AK9: variants seen among roughly 807,000 people sequenced by gnomAD.
AK9 encodes adenylate kinase 9.
AK9 carries 191 observed loss-of-function variants against 239.6 expected under a neutral mutation model. The ratio of observed to expected loss-of-function variants is 0.80; its 90% CI spans 0.71 to 0.90. The LOEUF (loss-of-function observed/expected upper bound fraction) is 0.90, where lower values mean the gene tolerates loss of function less well. Ranked by LOEUF, AK9 falls within the 40% of genes least tolerant of loss-of-function variation. The probability of loss-of-function intolerance (pLI) is 0.00; values close to 1 mark genes in which losing one functional copy is unlikely to be tolerated. For synonymous variants in AK9, 689 were observed against 721.0 expected, an observed-to-expected ratio of 0.96 and a Z score of 0.71; for missense variants, 1,995 against 2,214.7, an observed-to-expected ratio of 0.90 and a Z score of 1.99.
At chr6:109,633,811 A>T (rs1267818592) in intron 10 of AK9, among the ~76,000 whole-genome samples, 1 of 152,274 alleles carries the variant, frequency 6.6e-6, no homozygotes, top group East Asian at 1.9e-4. Flanking sequence ...TAATTCTTAA[A>T]ATTTAAAGTC....
At chr6:109,554,322 A>AT (rs1193302727) in intron 24 of AK9, among the ~76,000 whole-genome samples, 2 of 151,890 alleles carry the variant, frequency 1.3e-5, no homozygotes, top group East Asian at 1.9e-4. Context: ...AATGCATCTG[A>AT]TCCTGGGCTT....
chr6:109,661,426 T>C (rs911023), intron 6 of AK9, among the ~76,000 whole-genome samples: 108,675 of 152,116 alleles, frequency 0.71, 39,313 homozygotes, highest in East Asian at 0.99. Flanking sequence ...AAATTTATGA[T>C]CCAAACTTAG....
At chr6:109,497,384 T>TCTCTCA (rs376267541) in intron 38 of AK9, 81 bp downstream of exon 38, 12 of 500,136 alleles carry the variant, frequency 2.4e-5, no homozygotes, top group African/African-American at 2.1e-4. Context: ...TCTCTCTCTC[T>TCTCTCA]CACACACTCC....
chr6:109,662,777 T>A, intron 5 of AK9, 114 bp from the exon 6 acceptor site: 1 of 401,178 alleles, frequency 2.5e-6, no homozygotes. Context: ...TCATCTATCA[T>A]AAAGTCATCT....
intron 20 of AK9, among the ~76,000 whole-genome samples, chr6:109,576,420 C>CTTTTTTTT (rs3060763): frequency 0.061 from 6,241 of 103,012 alleles, 836 homozygotes; most frequent in Middle Eastern, 0.1. Flanking sequence ...CATATATATA[C>CTTTTTTTT]TTTTTTTTTT....
chr6:109,510,382 CCAA>C (rs2128108806), intron 32 of AK9, among the ~76,000 whole-genome samples: 1 of 152,128 alleles, frequency 6.6e-6, no homozygotes, highest in African/African-American at 2.4e-5. Flanking sequence ...GACAGGACGA[CCAA>C]CTGCAGAGAG....
rs1056402933 is a variant in AK9 at position 109,558,866 on chromosome 6, A to C, written c.2751+4731T>G. ...TCTGACCTATGAACATGGTATATTTACTTTTTTTTTTTTTTGAGATGGAGT... is the reference window on the plus strand; with the variant it reads ...TCTGACCTATGAACATGGTATATTTCCTTTTTTTTTTTTTTGAGATGGAGT... On this transcript the variant is annotated intron_variant, in intron 24 of 40. Coordinates refer to ENST00000424296, the MANE Select transcript of AK9 (RefSeq NM_001145128.3). Among the ~76,000 whole-genome samples the C allele has an allele frequency of 1.7e-3, 78 of 46,568 alleles. 1 individual carries two copies. In the East Asian group the frequency reaches 0.042, roughly 25 times the overall value. The allele number at this position is 46,568 out of a possible 152,430, so 30.6% of individuals were successfully genotyped here.
intron 8 of AK9, among the ~76,000 whole-genome samples, chr6:109,649,328 C>T (rs7745715): frequency 0.58 from 86,879 of 150,388 alleles, 26,875 homozygotes; most frequent in South Asian, 0.84. Context: ...GACATGATTG[C>T]ATATCTAGAA....
At chr6:109,523,016 G>A (rs916463120) in intron 29 of AK9, among the ~76,000 whole-genome samples, 9 of 152,002 alleles carry the variant, frequency 5.9e-5, no homozygotes, top group Admixed American at 1.3e-4. Flanking sequence ...GGCAAATGTC[G>A]CTGTTAAGTG....
intron 17 of AK9, among the ~76,000 whole-genome samples, chr6:109,592,229 A>T (rs573998969): frequency 3.3e-5 from 5 of 152,326 alleles, no homozygotes; most frequent in Admixed American, 2.0e-4. Context: ...TTTTATTTCC[A>T]AAGTTGCTAT....
At chr6:109,666,997 C>G (rs910585162) in intron 5 of AK9, among the ~76,000 whole-genome samples, 2 of 152,106 alleles carry the variant, frequency 1.3e-5, no homozygotes, top group African/African-American at 4.8e-5. Flanking sequence ...CAGTGAGGAG[C>G]TTTTAGGATG....
rs1053751334 is a variant in AK9 at position 109,573,518 on chromosome 6, T to A, written c.2268A>T (p.Ala756=). The change falls in exon 21 of 41, where the codon GCA becomes GCT. Residue 756 remains alanine (A), a synonymous_variant. Coordinates refer to ENST00000424296, the MANE Select transcript of AK9 (RefSeq NM_001145128.3). ...ACCATGACCCTCGGGTATCGTGAGA[T>A]GCCTCAGGCTCTTCGTGAACTTCCA... ...DELEVHEEPE[A]SHDTRGSWLP... 2 of 1,551,254 alleles carry A rather than the reference T, an allele frequency of 1.3e-6. No homozygotes were observed. The highest frequency in any genetic ancestry group is 2.7e-5 in the African/African-American group (2 of 73,014).
At chr6:109,650,157 T>C (rs1156929151) in intron 8 of AK9, among the ~76,000 whole-genome samples, 3 of 152,078 alleles carry the variant, frequency 2.0e-5, no homozygotes, top group African/African-American at 7.2e-5. Flanking sequence ...GGCAATACCA[T>C]TCAGGACAGA....
intron 1 of AK9, among the ~76,000 whole-genome samples, chr6:109,685,221 A>G (rs1773331512): frequency 6.6e-6 from 1 of 152,194 alleles, no homozygotes; most frequent in Admixed American, 6.5e-5. Context: ...CAGTAATCTC[A>G]TTACTGGGTA....
chr6:109,606,216 T>C lies in AK9; in HGVS notation c.1842+4149A>G, dbSNP rs565671607. On this transcript the variant is annotated intron_variant, in intron 17 of 40. Transcript: ENST00000424296. Reference sequence around the variant, plus strand: ...ACTATTTCTGGATTCCCTTACTCTATACTATTTTATGTTTACTTTATATTT... The same window carrying C: ...ACTATTTCTGGATTCCCTTACTCTACACTATTTTATGTTTACTTTATATTT... Among the ~76,000 whole-genome samples, 237 of 152,242 alleles carry C rather than the reference T, an allele frequency of 1.6e-3. 1 individual carries two copies. Among genetic ancestry groups the C allele is most frequent in the Non-Finnish European group, 2.9e-3 (200 of 68,024 alleles).
At chr6:109,498,054 C>G in intron 36 of AK9, 89 bp from the exon 37 acceptor site, 1 of 1,287,092 alleles carries the variant, frequency 7.8e-7, no homozygotes, top group Non-Finnish European at 1.1e-6. Context: ...TGCACCCTCC[C>G]CATTTTCAGT....
intron 35 of AK9, among the ~76,000 whole-genome samples, chr6:109,499,524 A>G (rs977720131): frequency 6.6e-6 from 1 of 152,110 alleles, no homozygotes; most frequent in Non-Finnish European, 1.5e-5. Context: ...CCACTATACT[A>G]TAAACATTAT....
At chr6:109,563,798 GATT>G (rs902235486) in intron 23 of AK9, 86 bp from the exon 24 acceptor site, 147 of 1,364,248 alleles carry the variant, frequency 1.1e-4, no homozygotes, top group African/African-American at 1.2e-4. Flanking sequence ...TGGGAAAATT[GATT>G]ATTATTATTA....
At chr6:109,507,216 G>A (rs1479748518) in intron 33 of AK9, among the ~76,000 whole-genome samples, 3 of 152,144 alleles carry the variant, frequency 2.0e-5, no homozygotes, top group African/African-American at 7.2e-5. Flanking sequence ...TTTCTAAGAG[G>A]AAATGATGTT....
Sources: gnomAD v4.1 joint callset for allele counts (sites outside exome capture counted in the v4.1 genomes callset) on GRCh38, gnomAD v4.1.1 for gene constraint, MANE v1.5 for transcripts, NCBI Gene and HGNC (gene_info 2026-07-23, HGNC 2026-07-21) for gene names.